The following GRIN3A variants were observed in gnomAD, a reference collection of about 807,000 sequenced individuals.
The protein encoded by GRIN3A is glutamate ionotropic receptor NMDA type subunit 3A.
A neutral mutation model predicts 92.4 loss-of-function variants in GRIN3A; 47 were observed. That is an observed-to-expected ratio of 0.51 (90% CI 0.40 to 0.65). The LOEUF is 0.65. Ranked by LOEUF, GRIN3A falls within the 30% of genes least tolerant of loss-of-function variation. The pLI, the probability that GRIN3A is intolerant of heterozygous loss-of-function variation, is 0.00. For synonymous variants in GRIN3A, 527 were observed against 540.6 expected (o/e 0.97, Z 0.35); for missense variants, 1,324 against 1,393.1 (o/e 0.95, Z 0.79).
intron 3 of GRIN3A, among the ~76,000 whole-genome samples, chr9:101,639,761 G>A (rs1008423558): frequency 2.0e-5 from 3 of 152,094 alleles, no homozygotes; most frequent in Admixed American, 2.0e-4. Context: ...AAGATGGGCT[G>A]GGTACAAAAA....
chr9:101,590,403 ATGGAATCTCGCTCTGTCACCCAGGC>A (rs371704311), intron 6 of GRIN3A, among the ~76,000 whole-genome samples: 11,913 of 149,122 alleles, frequency 0.08, 568 homozygotes, highest in Middle Eastern at 0.12. Flanking sequence ...TTTTTTTGAG[ATGGAATCTCGCTCTGTCACCCAGGC>A]TGGAGTGCAG....
intron 3 of GRIN3A, among the ~76,000 whole-genome samples, chr9:101,668,128 T>A (rs1588274343): frequency 6.6e-6 from 1 of 152,184 alleles, no homozygotes; most frequent in Admixed American, 6.6e-5. Flanking sequence ...TCTGGTAGAG[T>A]CAGAGATGAA....
rs1484369516 is a variant in GRIN3A, at chr9:101,651,831, A to T, written c.2352+18229T>A. The stretch of plus-strand genomic sequence containing the variant: ...AGGCTTTATTTTAAAGATATATATC[A>T]AAGCATAAATCCTGAATGCTATAAA... On this transcript the variant is annotated intron_variant, in intron 3 of 8. Coordinates refer to ENST00000361820, the MANE Select transcript of GRIN3A (RefSeq NM_133445.3). Among the ~76,000 whole-genome samples the T allele has an allele frequency of 2.0e-5, 3 of 152,164 alleles. No homozygotes were observed. In the East Asian group the frequency reaches 5.8e-4, roughly 30 times the overall value.
chr9:101,635,903 A>T (rs990066002), intron 3 of GRIN3A, among the ~76,000 whole-genome samples: 1 of 152,070 alleles, frequency 6.6e-6, no homozygotes, highest in Non-Finnish European at 1.5e-5. Flanking sequence ...TTGTTTATTT[A>T]TTTTTGAGAT....
chr9:101,585,660 C>T (rs768752857), intron 6 of GRIN3A, among the ~76,000 whole-genome samples: 24 of 152,118 alleles, frequency 1.6e-4, no homozygotes, highest in African/African-American at 2.7e-4. Context: ...ATGGTGGAAC[C>T]GACCTTCAAA....
chr9:101,585,477 A>G (rs762634700), intron 6 of GRIN3A, among the ~76,000 whole-genome samples: 3 of 152,154 alleles, frequency 2.0e-5, no homozygotes, highest in African/African-American at 7.2e-5. Context: ...GGACATTTCA[A>G]AGATAACACA....
chr9:101,728,906 C>T (rs765967893), intron 1 of GRIN3A, among the ~76,000 whole-genome samples: 3 of 152,170 alleles, frequency 2.0e-5, no homozygotes, highest in Admixed American at 2.0e-4. Context: ...TGGCCTATAG[C>T]AGTGCTACTT....
At chr9:101,613,666 C>T in intron 5 of GRIN3A, 139 bp from the exon 6 acceptor site, 2 of 773,552 alleles carry the variant, frequency 2.6e-6, no homozygotes, top group African/African-American at 1.7e-5. Context: ...TCAAAGCACT[C>T]AAAGACATTC....
intron 1 of GRIN3A, among the ~76,000 whole-genome samples, chr9:101,707,563 T>C (rs1367483649): frequency 6.6e-6 from 1 of 152,212 alleles, no homozygotes; most frequent in African/African-American, 2.4e-5. Flanking sequence ...GGTCATATTA[T>C]TTTAAAGCTA....
intron 1 of GRIN3A, among the ~76,000 whole-genome samples, chr9:101,693,744 G>T (rs1829649242): frequency 6.6e-6 from 1 of 152,076 alleles, no homozygotes; most frequent in Non-Finnish European, 1.5e-5. Flanking sequence ...CCTCCCATAT[G>T]TAGCAATTCT....
At chr9:101,614,905 C>T (rs1828422408) in intron 5 of GRIN3A, among the ~76,000 whole-genome samples, 1 of 151,794 alleles carries the variant, frequency 6.6e-6, no homozygotes, top group African/African-American at 2.4e-5. Flanking sequence ...AGGTATGAGC[C>T]ACGTGCCCAG....
intron 3 of GRIN3A, among the ~76,000 whole-genome samples, chr9:101,647,521 T>C (rs1828953461): frequency 6.6e-6 from 1 of 151,926 alleles, no homozygotes; most frequent in South Asian, 2.1e-4. Flanking sequence ...AGAATGAGTT[T>C]GGAATTATTT....
At chr9:101,636,427 A>G (rs1299290746) in intron 3 of GRIN3A, among the ~76,000 whole-genome samples, 1 of 152,200 alleles carries the variant, frequency 6.6e-6, no homozygotes, top group Non-Finnish European at 1.5e-5. Context: ...CCTTTGTGGT[A>G]CATACAGTTG....
rs1471292188 is a variant in GRIN3A, at chr9:101,628,347, C to A, written c.2407G>T (p.Glu803Ter). Residue 803 changes from glutamate (E) to a stop codon, truncating the protein, a stop_gained, in exon 4 of 9, where the codon GAA (glutamate) becomes TAA (stop). Transcript: ENST00000361820. LOFTEE classifies it high-confidence loss of function. ...RFGTVRESSA[E>*]DYVRQSFPEM... The stretch of plus-strand genomic sequence containing the variant: ...GGGAAACTTTGTCTCACATAATCTT[C>A]AGCACTGCTTTCTCGGACAGTTCCA... 6.2e-7 allele frequency: 1 copy of A among 1,613,814 alleles called. No individual in the cohort carries two copies. The highest frequency in any genetic ancestry group is 2.2e-5 in the East Asian group (1 of 44,882).
chr9:101,622,903 G>A, intron 5 of GRIN3A, among the ~76,000 whole-genome samples: 1 of 151,988 alleles, frequency 6.6e-6, no homozygotes, highest in East Asian at 1.9e-4. Flanking sequence ...AGATTTCCCT[G>A]AATTTTGGAA....
chr9:101,619,905 T>A (rs10124297), intron 5 of GRIN3A, among the ~76,000 whole-genome samples: 19,658 of 152,174 alleles, frequency 0.13, 2,339 homozygotes, highest in African/African-American at 0.32. Flanking sequence ...GGTTTATGGT[T>A]TTTAATTCGA....
intron 6 of GRIN3A, among the ~76,000 whole-genome samples, chr9:101,597,770 G>T (rs1354411973): frequency 6.6e-6 from 1 of 152,132 alleles, no homozygotes; most frequent in African/African-American, 2.4e-5. Flanking sequence ...TCATAAAGTT[G>T]TTTATAAAGT....
chr9:101,665,027 G>T (rs1204962959), intron 3 of GRIN3A, among the ~76,000 whole-genome samples: 1 of 148,690 alleles, frequency 6.7e-6, no homozygotes, highest in African/African-American at 2.4e-5. Context: ...TTTATAAGTG[G>T]TGTTTAGATT....
At chr9:101,651,333 C>G (rs983842342) in intron 3 of GRIN3A, among the ~76,000 whole-genome samples, 2 of 151,700 alleles carry the variant, frequency 1.3e-5, no homozygotes, top group African/African-American at 4.8e-5. Flanking sequence ...CCAAGCAAAC[C>G]AGATAATTAC....
Sources: allele counts gnomAD v4.1 joint callset (sites outside exome capture counted in the v4.1 genomes callset), GRCh38; gene constraint gnomAD v4.1.1; transcripts MANE v1.5; gene names NCBI Gene and HGNC (gene_info 2026-07-23, HGNC 2026-07-21).